The following FHIT variants were observed in gnomAD, a reference collection of about 807,000 sequenced individuals.
FHIT encodes the protein fragile histidine triad diadenosine triphosphatase.
A neutral mutation model predicts 17.9 loss-of-function variants in FHIT; 19 were observed. The ratio of observed to expected loss-of-function variants is 1.06; its 90% CI spans 0.74 to 1.56. The LOEUF (loss-of-function observed/expected upper bound fraction) is 1.56. Ranked by LOEUF, FHIT falls within the 40% of genes most tolerant of loss-of-function variation. The pLI is 0.00. For synonymous variants in FHIT, 81 were observed against 69.7 expected, an observed-to-expected ratio of 1.16 and a Z score of -0.81; for missense variants, 248 against 189.2, an observed-to-expected ratio of 1.31 and a Z score of -1.82.
chr3:60,272,786 T>C (rs1283492871), intron 5 of FHIT, among the ~76,000 whole-genome samples: 2 of 152,202 alleles, frequency 1.3e-5, no homozygotes, highest in Non-Finnish European at 2.9e-5. Context: ...GACACTTGCA[T>C]AGGCCTTCCT....
Position 60,368,981 on chromosome 3 carries a change from G to GA in FHIT, c.103+167878_103+167879insT, listed in dbSNP as rs537353240. On this transcript the variant is annotated intron_variant, in intron 5 of 9. Transcript: ENST00000492590. Reference sequence around the variant, plus strand: ...ATCATGGCACTTTTCTTTTCTCTTTGTTTTTTTTTCCTGAGACCGCTCACT... The same window carrying GA: ...ATCATGGCACTTTTCTTTTCTCTTTGATTTTTTTTTCCTGAGACCGCTCACT... 2.0e-5 allele frequency among the ~76,000 whole-genome samples: 3 copies of GA among 149,478 alleles called. No homozygotes were observed. In the East Asian group the frequency reaches 5.9e-4, roughly 29 times the overall value.
At chr3:60,524,412 T>G (rs530980404) in intron 5 of FHIT, among the ~76,000 whole-genome samples, 14 of 152,106 alleles carry the variant, frequency 9.2e-5, no homozygotes, top group Non-Finnish European at 1.3e-4. Flanking sequence ...ATCTGGGGAA[T>G]TGGCATTCCA....
intron 5 of FHIT, among the ~76,000 whole-genome samples, chr3:60,446,473 C>G (rs2031339021): frequency 6.6e-6 from 1 of 152,136 alleles, no homozygotes. Context: ...TACACACACT[C>G]CATAGGTGTG....
chr3:60,459,727 G>A (rs1263565217), intron 5 of FHIT, among the ~76,000 whole-genome samples: 1 of 152,156 alleles, frequency 6.6e-6, no homozygotes, highest in East Asian at 1.9e-4. Flanking sequence ...GGCTGAGCAT[G>A]AACAAATTAA....
At chr3:60,834,787 C>T (rs1250623165) in intron 3 of FHIT, among the ~76,000 whole-genome samples, 14 of 151,660 alleles carry the variant, frequency 9.2e-5, no homozygotes, top group African/African-American at 3.4e-4. Context: ...ATTGCTTGAA[C>T]CTGGGAGGCA....
At chr3:60,540,926 T>A (rs1264953879) in intron 4 of FHIT, among the ~76,000 whole-genome samples, 1 of 152,100 alleles carries the variant, frequency 6.6e-6, no homozygotes, top group East Asian at 1.9e-4. Flanking sequence ...CACAATAGCA[T>A]CAGCATCACT....
chr3:60,846,890 C>T (rs1406886159), intron 3 of FHIT, among the ~76,000 whole-genome samples: 1 of 151,844 alleles, frequency 6.6e-6, no homozygotes, highest in Non-Finnish European at 1.5e-5. Context: ...GTGGCATGAT[C>T]TCAGCTCACT....
At chr3:60,634,710 G>C (rs148580120) in intron 4 of FHIT, among the ~76,000 whole-genome samples, 6 of 152,310 alleles carry the variant, frequency 3.9e-5, no homozygotes, top group African/African-American at 1.4e-4. Flanking sequence ...AGAAAGAGGA[G>C]AAGAAGTTTG....
intron 2 of FHIT, among the ~76,000 whole-genome samples, chr3:61,072,881 T>C (rs1170599813): frequency 2.0e-5 from 3 of 152,144 alleles, no homozygotes; most frequent in Non-Finnish European, 4.4e-5. Context: ...ATATACTTGT[T>C]TATGGCTTGT....
chr3:60,215,510 C>T (rs1703658138), intron 5 of FHIT, among the ~76,000 whole-genome samples: 1 of 151,906 alleles, frequency 6.6e-6, no homozygotes, highest in African/African-American at 2.4e-5. Flanking sequence ...TTGCAGTGAG[C>T]CAAGATCGCG....
chr3:60,420,946 T>A (rs1702442106), intron 5 of FHIT, among the ~76,000 whole-genome samples: 2 of 152,084 alleles, frequency 1.3e-5, no homozygotes, highest in South Asian at 4.1e-4. Context: ...CTCTCTTGCT[T>A]TCAAATTCTA....
At chr3:61,221,644 C>G (rs886681964) in intron 1 of FHIT, among the ~76,000 whole-genome samples, 3 of 152,312 alleles carry the variant, frequency 2.0e-5, no homozygotes. Context: ...TTACCAAACC[C>G]CTGCTGACTG....
chr3:60,895,082 C>T (rs1216384063), intron 3 of FHIT, among the ~76,000 whole-genome samples: 2 of 152,186 alleles, frequency 1.3e-5, no homozygotes, highest in East Asian at 1.9e-4. Flanking sequence ...TGGCTTTTAG[C>T]TGTCATGTCT....
At chr3:60,440,079 T>G (rs889066352) in intron 5 of FHIT, among the ~76,000 whole-genome samples, 1 of 152,106 alleles carries the variant, frequency 6.6e-6, no homozygotes, top group East Asian at 1.9e-4. Flanking sequence ...GAGTCTCATT[T>G]TATATGCACA....
intron 4 of FHIT, among the ~76,000 whole-genome samples, chr3:60,593,109 C>G (rs1366014776): frequency 6.6e-6 from 1 of 152,126 alleles, no homozygotes; most frequent in African/African-American, 2.4e-5. Context: ...GGCTTTCATT[C>G]AGTGGGCAGA....
intron 5 of FHIT, among the ~76,000 whole-genome samples, chr3:60,441,741 T>TAAATATATATATACACACAC (rs1559915990): frequency 1.0e-5 from 1 of 98,892 alleles, no homozygotes; most frequent in Non-Finnish European, 1.9e-5. Context: ...TATATATATA[T>TAAATATATATATACACACAC]ATTTATATAT....
At chr3:61,119,783 G>A (rs916207840) in intron 2 of FHIT, among the ~76,000 whole-genome samples, 10 of 152,122 alleles carry the variant, frequency 6.6e-5, no homozygotes, top group African/African-American at 9.7e-5. Flanking sequence ...GCCTTCTCCC[G>A]CCCTTGGGCT....
intron 8 of FHIT, among the ~76,000 whole-genome samples, chr3:59,800,083 A>G (rs1699934684): frequency 6.6e-6 from 1 of 152,258 alleles, no homozygotes. Context: ...TGTGCTTTGC[A>G]TTCTTTTCTG....
At chr3:59,920,320 A>G (rs141722359) in intron 8 of FHIT, among the ~76,000 whole-genome samples, 4 of 152,220 alleles carry the variant, frequency 2.6e-5, no homozygotes, top group Non-Finnish European at 5.9e-5. Flanking sequence ...GATACTGTCT[A>G]TACTACATAT....
Sources: allele counts gnomAD v4.1 joint callset (sites outside exome capture counted in the v4.1 genomes callset), GRCh38; gene constraint gnomAD v4.1.1; transcripts MANE v1.5; gene names NCBI Gene and HGNC (gene_info 2026-07-23, HGNC 2026-07-21).